ZNF709: variants seen among roughly 807,000 people sequenced by gnomAD.
The protein encoded by ZNF709 is zinc finger protein 709.
ZNF709 carries 15 observed loss-of-function variants against 10.6 expected under a neutral mutation model. The ratio of observed to expected loss-of-function variants is 1.41; its 90% CI spans 0.95 to 2.18. ZNF709 has a LOEUF of 2.18. ZNF709 is among the 30% of genes most tolerant of loss of function. The pLI is 0.00. For synonymous variants in ZNF709, 194 were observed against 238.8 expected, an observed-to-expected ratio of 0.81 and a Z score of 1.73; for missense variants, 589 against 774.0, an observed-to-expected ratio of 0.76 and a Z score of 2.84.
At chr19:12,479,519 C>T (rs1196958408) in intron 1 of ZNF709, among the ~76,000 whole-genome samples, 4 of 139,448 alleles carry the variant, frequency 2.9e-5, no homozygotes, top group Non-Finnish European at 6.2e-5. Flanking sequence ...CATTTTTAAT[C>T]AACTTACTTT....
At chr19:12,480,878 C>G (rs758552447) in intron 1 of ZNF709, among the ~76,000 whole-genome samples, 3 of 152,078 alleles carry the variant, frequency 2.0e-5, no homozygotes, top group Non-Finnish European at 4.4e-5. Flanking sequence ...CTCCCAGGCT[C>G]AAGGGATCCT....
chr19:12,474,268 T>C (rs1970659154), intron 1 of ZNF709, among the ~76,000 whole-genome samples: 1 of 152,196 alleles, frequency 6.6e-6, no homozygotes, highest in Non-Finnish European at 1.5e-5. Flanking sequence ...TTAGATTACA[T>C]ATATAAGTGA....
At chr19:12,480,692 A>C (rs1166768827) in intron 1 of ZNF709, among the ~76,000 whole-genome samples, 1 of 152,008 alleles carries the variant, frequency 6.6e-6, no homozygotes, top group African/African-American at 2.4e-5. Context: ...CAAAAAAAAA[A>C]AAAAAAGTTC....
At chr19:12,482,968 A>C (rs1440557680) in intron 1 of ZNF709, among the ~76,000 whole-genome samples, 2 of 152,188 alleles carry the variant, frequency 1.3e-5, no homozygotes, top group African/African-American at 4.8e-5. Flanking sequence ...CTGTGTTTGA[A>C]GAAATCAAAG....
intron 1 of ZNF709, among the ~76,000 whole-genome samples, chr19:12,467,560 C>T (rs1970585853): frequency 6.6e-6 from 1 of 152,184 alleles, no homozygotes; most frequent in Non-Finnish European, 1.5e-5. Context: ...GCCCGGCTGC[C>T]ACCCCGTCTG....
At chr19:12,477,967 G>T (rs557592224) in intron 1 of ZNF709, among the ~76,000 whole-genome samples, 2 of 152,222 alleles carry the variant, frequency 1.3e-5, no homozygotes, top group South Asian at 2.1e-4. Flanking sequence ...TAAAGTTTAA[G>T]CACCTGGGCC....
intron 1 of ZNF709, among the ~76,000 whole-genome samples, chr19:12,468,053 T>A (rs1212183626): frequency 2.6e-5 from 3 of 115,756 alleles, no homozygotes; most frequent in Admixed American, 1.7e-4. Context: ...CGGCCAGCCG[T>A]CCCGTCCGGG....
At chr19:12,480,178 T>G (rs562715257) in intron 1 of ZNF709, among the ~76,000 whole-genome samples, 2 of 151,866 alleles carry the variant, frequency 1.3e-5, no homozygotes, top group Non-Finnish European at 2.9e-5. Flanking sequence ...AAACAAAAAC[T>G]TAATACTTTA....
At position 12,461,753 on chromosome 19, in the gene ZNF709, T is replaced by C. The variant is rs1007092110; in HGVS notation, c.*2243A>G. 6.6e-6 allele frequency: 1 copy of C among 152,108 alleles called. No individual in the cohort carries two copies. The highest frequency in any genetic ancestry group is 6.6e-5 in the Admixed American group (1 of 15,260). The allele number at this position is 152,108 out of a possible 1,614,324, so 9.4% of individuals were successfully genotyped here. A position where few individuals can be genotyped will look rare whatever the true frequency, so the allele number is the denominator to read the frequency against. On this transcript the variant is annotated 3_prime_UTR_variant, in exon 4 of 4. Coordinates refer to ENST00000397732, the MANE Select transcript of ZNF709 (RefSeq NM_152601.4). ...GAGTAGAACTTTTGAAGACAATTTG[T>C]GGAAAACTACATCTTTGAAAATATG... is the stretch of plus-strand genomic sequence containing the variant.
intron 1 of ZNF709, chr19:12,481,061 G>A: frequency 1.7e-6 from 1 of 584,530 alleles, no homozygotes; most frequent in Non-Finnish European, 2.2e-6. Flanking sequence ...TGGGATTACA[G>A]GCATGAGCCA....
At chr19:12,484,289 C>A (rs1226745114) in intron 1 of ZNF709, among the ~76,000 whole-genome samples, 1 of 152,170 alleles carries the variant, frequency 6.6e-6, no homozygotes, top group South Asian at 2.1e-4. Flanking sequence ...ACTGAGGACC[C>A]CACACAACAC....
Position 12,484,814 on chromosome 19 carries a change from T to C in ZNF709, c.-157A>G. The C allele has an allele frequency of 1.0e-6, 1 of 978,562 alleles. No homozygotes were observed. The highest frequency in any genetic ancestry group is 1.5e-6 in the Non-Finnish European group (1 of 662,478). 60.6% of individuals were successfully genotyped at this position (978,562 alleles called of 1,614,324 possible). ...GGCTGGTAGCCACGCCCTCGCCGTTTGCGCAGCGCCCCTCCGCCCGCCTTC... is the reference window on the plus strand; with the variant it reads ...GGCTGGTAGCCACGCCCTCGCCGTTCGCGCAGCGCCCCTCCGCCCGCCTTC... On this transcript the variant is annotated 5_prime_UTR_variant, in exon 1 of 4. Coordinates refer to ENST00000397732, the MANE Select transcript of ZNF709 (RefSeq NM_152601.4).
In ZNF709 at chr19:12,465,551, T is replaced by A; in HGVS notation, c.371A>T (p.His124Leu). ...ATATTCATATGATCTATGTTCAGTA[T>A]GAGATCTCATGTGCCTATTAAGAGA... The part of the protein sequence containing the change: ...HSSLNRHMRS[H>L]TEHRSYEYHK... The change falls in exon 4 of 4, where the codon CAT becomes CTT. Residue 124 changes from histidine to leucine, a missense_variant. His to Leu is a moderately conservative substitution (Grantham distance 99). Around this residue, in one of 2 missense-constraint regions of ZNF709, gnomAD observed 418 missense variants for 496.3 expected, o/e 0.84. Transcript: ENST00000397732. 1.2e-6 allele frequency: 2 copies of A among 1,613,790 alleles called. No individual in the cohort carries two copies. Among genetic ancestry groups the A allele is most frequent in the Non-Finnish European group, 1.7e-6 (2 of 1,179,906 alleles).
chr19:12,472,703 C>T (rs1366257945), intron 1 of ZNF709, among the ~76,000 whole-genome samples: 2 of 151,856 alleles, frequency 1.3e-5, no homozygotes, highest in Admixed American at 6.6e-5. Flanking sequence ...GCCAACATGG[C>T]GAAACTCTGT....
rs374665299 is a variant in ZNF709, at chr19:12,464,898, C to T, written c.1024G>A (p.Gly342Arg). ...CTTGGAAGAGAAATGAATGCTTTCC[C>T]ACATTCCTTACAATCATAGGGTTTC... Reference protein sequence around the residue: ...GEKPYDCKECGKAFISLPSYR... With the variant: ...GEKPYDCKECRKAFISLPSYR... The change falls in exon 4 of 4, where the codon GGG becomes AGG. Residue 342 changes from glycine (G) to arginine (R), a missense_variant. Around this residue, in one of 2 missense-constraint regions of ZNF709, gnomAD observed 418 missense variants for 496.3 expected, o/e 0.84. Coordinates refer to ENST00000397732, the MANE Select transcript of ZNF709 (RefSeq NM_152601.4). The T allele has an allele frequency of 5.0e-6, 8 of 1,613,720 alleles. No homozygotes were observed. The African/African-American group carries it at 6.7e-5, about 13-fold the overall frequency.
chr19:12,475,859 T>A (rs916699201), intron 1 of ZNF709, among the ~76,000 whole-genome samples: 19 of 152,170 alleles, frequency 1.2e-4, no homozygotes, highest in Admixed American at 1.2e-3. Flanking sequence ...GATATAATCT[T>A]AATATACAAA....
At position 12,462,703 on chromosome 19, in the gene ZNF709, A is replaced by C. The variant is rs775553136; in HGVS notation, c.*1293T>G. On this transcript the variant is annotated 3_prime_UTR_variant, in exon 4 of 4. Transcript: ENST00000397732. ...AATGATATCTAGTACCTGCCACATA[A>C]GGCCAGTAGGAAATCCTAAAAATTA... The C allele has an allele frequency of 2.6e-5, 4 of 152,220 alleles. No individual in the cohort carries two copies. The highest frequency in any genetic ancestry group is 4.4e-5 in the Non-Finnish European group (3 of 68,040). The allele number at this position is 152,220 out of a possible 1,614,324, so 9.4% of individuals were successfully genotyped here.
intron 1 of ZNF709, among the ~76,000 whole-genome samples, chr19:12,474,231 C>T (rs1970658758): frequency 6.6e-6 from 1 of 152,182 alleles, no homozygotes; most frequent in African/African-American, 2.4e-5. Context: ...TACCATTCTA[C>T]TCTATGCTTC....
intron 1 of ZNF709, among the ~76,000 whole-genome samples, chr19:12,483,132 T>A (rs956841781): frequency 6.6e-6 from 1 of 152,028 alleles, no homozygotes; most frequent in African/African-American, 2.4e-5. Context: ...CATACTGGGA[T>A]ATTTCATTAT....
Sources: gnomAD v4.1 joint callset for allele counts (sites outside exome capture counted in the v4.1 genomes callset) on GRCh38, gnomAD v4.1.1 for gene constraint, gnomAD v4.1.1 regional missense constraint, MANE v1.5 for transcripts, NCBI Gene and HGNC (gene_info 2026-07-23, HGNC 2026-07-21) for gene names.